GRID2: variants seen among roughly 807,000 people sequenced by gnomAD.
The protein encoded by GRID2 is glutamate receptor ionotropic, delta-2.
In GRID2, 33 loss-of-function variants were observed where a neutral mutation model predicts 114.8. The ratio of observed to expected loss-of-function variants is 0.29; its 90% CI spans 0.22 to 0.38. GRID2 has a LOEUF of 0.38. Ranked by LOEUF, GRID2 falls within the 10% of genes least tolerant of loss-of-function variation. GRID2 has a pLI of 1.00. For synonymous variants in GRID2, 505 were observed against 449.9 expected (o/e 1.12, Z -1.55); for missense variants, 1,184 against 1,257.7 (o/e 0.94, Z 0.89).
intron 1 of GRID2, among the ~76,000 whole-genome samples, chr4:92,507,674 T>A (rs1724046044): frequency 6.6e-6 from 1 of 151,978 alleles, no homozygotes; most frequent in Non-Finnish European, 1.5e-5. Flanking sequence ...TATCTTTTTT[T>A]CAGTTTTTCC....
intron 1 of GRID2, among the ~76,000 whole-genome samples, chr4:92,394,330 G>A (rs1428968947): frequency 6.6e-6 from 1 of 151,980 alleles, no homozygotes; most frequent in African/African-American, 2.4e-5. Flanking sequence ...ATTTGAAATG[G>A]TTCTTTACTC....
At chr4:92,443,176 TA>T (rs1733214556) in intron 1 of GRID2, among the ~76,000 whole-genome samples, 2 of 152,072 alleles carry the variant, frequency 1.3e-5, no homozygotes, top group Admixed American at 1.3e-4. Context: ...GACTGATGTG[TA>T]AAAGAATGCC....
chr4:93,273,476 A>ATT (rs1282210118), intron 8 of GRID2, among the ~76,000 whole-genome samples: 1 of 138,188 alleles, frequency 7.2e-6, no homozygotes, highest in Non-Finnish European at 1.6e-5. Context: ...CCCCCAAAAA[A>ATT]TATCCATGCC....
intron 2 of GRID2, among the ~76,000 whole-genome samples, chr4:93,034,363 A>C (rs1724719270): frequency 6.6e-6 from 1 of 152,098 alleles, no homozygotes; most frequent in Admixed American, 6.5e-5. Context: ...TCAGCACCTT[A>C]TTTTTTCTAA....
chr4:93,745,693 G>T (rs1215882344), intron 14 of GRID2, among the ~76,000 whole-genome samples: 3 of 152,106 alleles, frequency 2.0e-5, no homozygotes, highest in Admixed American at 6.6e-5. Flanking sequence ...GGACTCAGAA[G>T]CTAAATATGG....
chr4:92,935,698 T>C (rs1461159918), intron 2 of GRID2, among the ~76,000 whole-genome samples: 3 of 146,930 alleles, frequency 2.0e-5, no homozygotes, highest in African/African-American at 4.9e-5. Flanking sequence ...TGGAATACTA[T>C]GCAGCCATAA....
intron 2 of GRID2, among the ~76,000 whole-genome samples, chr4:92,966,203 G>A (rs1753145571): frequency 6.6e-6 from 1 of 151,850 alleles, no homozygotes; most frequent in South Asian, 2.1e-4. Context: ...TTTAGTTGGG[G>A]AGAAAAGCCT....
intron 2 of GRID2, among the ~76,000 whole-genome samples, chr4:93,054,794 A>G (rs1457578445): frequency 6.6e-6 from 1 of 151,946 alleles, no homozygotes; most frequent in Non-Finnish European, 1.5e-5. Flanking sequence ...TGGAAGAGAA[A>G]TGTAGTAAGG....
At chr4:93,117,662 G>A (rs1001317638) in intron 4 of GRID2, among the ~76,000 whole-genome samples, 2 of 151,746 alleles carry the variant, frequency 1.3e-5, no homozygotes, top group Non-Finnish European at 2.9e-5. Context: ...TCAATTTTTT[G>A]TGCTTTCATC....
intron 14 of GRID2, among the ~76,000 whole-genome samples, chr4:93,700,580 G>T (rs1438465891): frequency 1.3e-5 from 2 of 152,102 alleles, no homozygotes; most frequent in Non-Finnish European, 2.9e-5. Context: ...CTAAAATGAG[G>T]TAACTCTAGA....
At chr4:93,749,153 A>C (rs1007453886) in intron 14 of GRID2, among the ~76,000 whole-genome samples, 2 of 152,168 alleles carry the variant, frequency 1.3e-5, no homozygotes, top group African/African-American at 4.8e-5. Context: ...GGAAAGAAGA[A>C]GAGAGAATAT....
chr4:93,012,080 T>TG (rs1482560744), intron 2 of GRID2, among the ~76,000 whole-genome samples: 2 of 83,332 alleles, frequency 2.4e-5, no homozygotes, highest in African/African-American at 5.3e-5. Context: ...ATTATCAGGC[T>TG]GAAAAAAAAA....
chr4:93,366,537 G>T (rs1438632294), intron 8 of GRID2, among the ~76,000 whole-genome samples: 1 of 152,080 alleles, frequency 6.6e-6, no homozygotes, highest in Middle Eastern at 3.4e-3. Context: ...ATTTCACCTG[G>T]GTCCTGTGGT....
intron 2 of GRID2, among the ~76,000 whole-genome samples, chr4:93,032,142 C>T (rs984581215): frequency 6.6e-6 from 1 of 152,104 alleles, no homozygotes; most frequent in Non-Finnish European, 1.5e-5. Context: ...GTCTTGTCAT[C>T]CTGTAGTTTA....
chr4:92,775,501 G>A (rs188700420), intron 2 of GRID2, among the ~76,000 whole-genome samples: 1 of 152,188 alleles, frequency 6.6e-6, no homozygotes, highest in African/African-American at 2.4e-5. Flanking sequence ...TGCTGATATA[G>A]CAAACTAAAA....
At chr4:92,730,609 G>C (rs1019616695) in intron 2 of GRID2, among the ~76,000 whole-genome samples, 1 of 151,912 alleles carries the variant, frequency 6.6e-6, no homozygotes. Context: ...GTGAGTAAAG[G>C]TTTGCATCTA....
intron 2 of GRID2, among the ~76,000 whole-genome samples, chr4:92,969,706 G>A (rs138851997): frequency 8.6e-5 from 13 of 151,786 alleles, no homozygotes; most frequent in East Asian, 1.9e-4. Flanking sequence ...CCATACTTTC[G>A]TTTTCAATGT....
chr4:92,889,762 A>G (rs571513108), intron 2 of GRID2, among the ~76,000 whole-genome samples: 39 of 152,316 alleles, frequency 2.6e-4, no homozygotes, highest in African/African-American at 9.1e-4. Context: ...ATTAGAAAAA[A>G]CTACTTTAAA....
At chr4:92,540,626 T>A (rs1725891549) in intron 1 of GRID2, among the ~76,000 whole-genome samples, 1 of 152,080 alleles carries the variant, frequency 6.6e-6, no homozygotes, top group South Asian at 2.1e-4. Flanking sequence ...TGGCAATCAT[T>A]AAAAAGTCAG....
Sources: allele counts gnomAD v4.1 joint callset (sites outside exome capture counted in the v4.1 genomes callset), GRCh38; gene constraint gnomAD v4.1.1; transcripts MANE v1.5; gene names NCBI Gene and HGNC (gene_info 2026-07-23, HGNC 2026-07-21).